The following FSTL4 variants were observed in gnomAD, a reference collection of about 807,000 sequenced individuals.
The protein encoded by FSTL4 is follistatin-related protein 4.
A neutral mutation model predicts 78.2 loss-of-function variants in FSTL4; 28 were observed. The ratio of observed to expected loss-of-function variants is 0.36; its 90% CI spans 0.27 to 0.49. The LOEUF (loss-of-function observed/expected upper bound fraction) is 0.49, where lower values mean the gene tolerates loss of function less well. Among genes scored for constraint, FSTL4 ranks in the 20% least tolerant of loss-of-function variants. FSTL4 has a pLI of 0.98. For synonymous variants in FSTL4, 422 were observed against 440.5 expected, an observed-to-expected ratio of 0.96 and a Z score of 0.53; for missense variants, 922 against 1,084.9, an observed-to-expected ratio of 0.85 and a Z score of 2.11.
the FSTL4 span, among the ~76,000 whole-genome samples, chr5:133,821,651 G>A: frequency 6.6e-6 from 1 of 152,132 alleles, no homozygotes; most frequent in African/African-American, 2.4e-5. Flanking sequence ...GCACATGTGG[G>A]GACAGGGAAG....
chr5:133,537,389 AT>A (rs1214519320), intron 3 of FSTL4, among the ~76,000 whole-genome samples: 5 of 151,936 alleles, frequency 3.3e-5, no homozygotes, highest in African/African-American at 1.2e-4. Flanking sequence ...TTTAAATTAC[AT>A]TTTCTCTTTG....
chr5:133,332,797 G>A (rs928237178), intron 4 of FSTL4, among the ~76,000 whole-genome samples: 1 of 152,170 alleles, frequency 6.6e-6, no homozygotes, highest in African/African-American at 2.4e-5. Flanking sequence ...AGCTAAATAA[G>A]CCAATCACAC....
chr5:133,383,699 C>T (rs554680599), intron 4 of FSTL4, among the ~76,000 whole-genome samples: 3 of 152,290 alleles, frequency 2.0e-5, no homozygotes, highest in East Asian at 1.9e-4. Flanking sequence ...CCTTCATTAC[C>T]GATTTCCAGG....
At chr5:133,448,041 T>A (rs1043180095) in intron 3 of FSTL4, among the ~76,000 whole-genome samples, 2 of 152,234 alleles carry the variant, frequency 1.3e-5, no homozygotes, top group Admixed American at 6.5e-5. Flanking sequence ...TACACCATGT[T>A]TCACATTTAG....
At chr5:133,553,127 G>A (rs888617424) in intron 3 of FSTL4, among the ~76,000 whole-genome samples, 19 of 152,144 alleles carry the variant, frequency 1.2e-4, no homozygotes, top group Admixed American at 1.0e-3. Context: ...GCGCGGGAGA[G>A]AGGGTGAGTC....
In FSTL4 at chr5:133,612,268, G is replaced by A. The variant is rs1761115022; in HGVS notation, c.-11+57C>T. 6.6e-6 allele frequency: 1 copy of A among 151,936 alleles called. No individual in the cohort carries two copies. Among genetic ancestry groups the A allele is most frequent in the Non-Finnish European group, 1.5e-5 (1 of 67,970 alleles). 9.4% of individuals were successfully genotyped at this position (151,936 alleles called of 1,614,324 possible). Reference sequence around the variant, plus strand: ...GTGGGGTGCAGCGGGACCGGCTGGTGGCGGCGCCAGCGACATGGCACCCTC... The same window carrying A: ...GTGGGGTGCAGCGGGACCGGCTGGTAGCGGCGCCAGCGACATGGCACCCTC... On this transcript the variant is annotated intron_variant, in intron 1 of 15. Coordinates refer to ENST00000265342, the MANE Select transcript of FSTL4 (RefSeq NM_015082.2). This position sits in a 1 kb window ranked among gnomAD's most constrained non-coding sequence, Gnocchi z 6.2.
chr5:133,619,811 C>T, the FSTL4 span, among the ~76,000 whole-genome samples: 7 of 152,194 alleles, frequency 4.6e-5, no homozygotes, highest in East Asian at 1.3e-3. Context: ...CACTACAACC[C>T]TCTTCAAAAC....
the FSTL4 span, among the ~76,000 whole-genome samples, chr5:133,673,554 T>C: frequency 6.6e-6 from 1 of 152,244 alleles, no homozygotes; most frequent in Non-Finnish European, 1.5e-5. Flanking sequence ...AGATCCCTAA[T>C]TTGACATCTC....
chr5:133,317,045 C>T (rs1388803437), intron 4 of FSTL4, among the ~76,000 whole-genome samples: 1 of 152,144 alleles, frequency 6.6e-6, no homozygotes, highest in Admixed American at 6.5e-5. Flanking sequence ...CTGGTTTTTG[C>T]CTTAATCCTA....
intron 11 of FSTL4, chr5:133,223,983 G>A: frequency 1.9e-6 from 1 of 514,448 alleles, no homozygotes; most frequent in East Asian, 3.3e-5. Flanking sequence ...TTTAATGAAA[G>A]CTTTGCATTT....
the FSTL4 span, among the ~76,000 whole-genome samples, chr5:133,790,837 G>A: frequency 2.6e-5 from 4 of 152,196 alleles, no homozygotes; most frequent in East Asian, 1.9e-4. Flanking sequence ...CACGGCATTC[G>A]TCTAGCCCTC....
At chr5:133,427,925 A>C (rs1415128615) in intron 3 of FSTL4, among the ~76,000 whole-genome samples, 35 of 152,194 alleles carry the variant, frequency 2.3e-4, no homozygotes, top group Non-Finnish European at 2.9e-5. Context: ...TTGGGCAGGC[A>C]CAAGGGGTGA....
At chr5:133,230,285 A>G (rs944126383) in intron 8 of FSTL4, among the ~76,000 whole-genome samples, 3 of 152,134 alleles carry the variant, frequency 2.0e-5, no homozygotes, top group African/African-American at 4.8e-5. Context: ...GATTCCTAAG[A>G]TCTGAGATGG....
intron 8 of FSTL4, among the ~76,000 whole-genome samples, chr5:133,232,630 C>T (rs914567342): frequency 6.6e-6 from 1 of 152,186 alleles, no homozygotes; most frequent in Non-Finnish European, 1.5e-5. Flanking sequence ...AGGCAGCCAG[C>T]AGTGTGACCT....
At chr5:133,485,663 G>A (rs1455581838) in intron 3 of FSTL4, among the ~76,000 whole-genome samples, 1 of 152,174 alleles carries the variant, frequency 6.6e-6, no homozygotes, top group East Asian at 1.9e-4. Flanking sequence ...TGGGCTGGCA[G>A]GGCAGGCAGG....
the FSTL4 span, among the ~76,000 whole-genome samples, chr5:133,798,426 C>T: frequency 1.3e-5 from 2 of 151,306 alleles, no homozygotes; most frequent in African/African-American, 4.9e-5. Flanking sequence ...CAGATTTTAT[C>T]ATTGTGGACA....
At chr5:133,273,572 C>T (rs551283483) in intron 6 of FSTL4, among the ~76,000 whole-genome samples, 6 of 152,238 alleles carry the variant, frequency 3.9e-5, no homozygotes, top group Non-Finnish European at 7.4e-5. Flanking sequence ...CCCTGTTCTT[C>T]GAGCTTCTCC....
intron 2 of FSTL4, among the ~76,000 whole-genome samples, chr5:133,570,345 C>CA (rs1580796018): frequency 6.6e-6 from 1 of 151,894 alleles, no homozygotes; most frequent in Non-Finnish European, 1.5e-5. Flanking sequence ...ATTCTTGAGA[C>CA]AGAGTCTCAC....
chr5:133,509,689 A>G (rs1758684971), intron 3 of FSTL4, among the ~76,000 whole-genome samples: 2 of 152,216 alleles, frequency 1.3e-5, no homozygotes, highest in Non-Finnish European at 2.9e-5. Flanking sequence ...GGACTGCAAT[A>G]GCTTCTGGGT....
Sources: gnomAD v4.1 joint callset for allele counts (sites outside exome capture counted in the v4.1 genomes callset) on GRCh38, gnomAD v4.1.1 for gene constraint, Gnocchi (gnomAD v3.1) non-coding constraint, MANE v1.5 for transcripts, NCBI Gene and HGNC (gene_info 2026-07-23, HGNC 2026-07-21) for gene names.